The following ZNF45 variants were observed in gnomAD, a reference collection of about 807,000 sequenced individuals.
ZNF45 encodes the protein zinc finger protein 45, also known as BRC1744.
Under a neutral mutation model 12.0 loss-of-function variants are expected in ZNF45, and 4 were observed. That is an observed-to-expected ratio of 0.33 (90% confidence interval 0.16 to 0.76). The LOEUF (loss-of-function observed/expected upper bound fraction) is 0.76, where lower values mean the gene tolerates loss of function less well. Ranked by LOEUF, ZNF45 falls within the 30% of genes least tolerant of loss-of-function variation. ZNF45 has a pLI of 0.60. For synonymous variants in ZNF45, 272 were observed against 279.6 expected (o/e 0.97, Z 0.27); for missense variants, 700 against 813.0 (o/e 0.86, Z 1.69).
intron 3 of ZNF45, among the ~76,000 whole-genome samples, chr19:43,928,200 AAG>A (rs1555749505): frequency 2.0e-5 from 3 of 151,654 alleles, no homozygotes; most frequent in African/African-American, 7.3e-5. Context: ...AAAAAAAAAA[AAG>A]ATGTCCTTTG....
chr19:43,927,606 T>C (rs1490878927), intron 3 of ZNF45, among the ~76,000 whole-genome samples: 2 of 151,942 alleles, frequency 1.3e-5, no homozygotes, highest in South Asian at 2.1e-4. Context: ...AATAAAGAGA[T>C]GAAAGGAGGG....
intron 4 of ZNF45, chr19:43,925,109 C>A (rs967206549): frequency 1.3e-5 from 2 of 152,164 alleles, no homozygotes; most frequent in Non-Finnish European, 2.9e-5. Context: ...GTAAGAAAAG[C>A]AAGTAACCTA....
chr19:43,931,070 T>C (rs1974104847), intron 3 of ZNF45, among the ~76,000 whole-genome samples: 1 of 152,136 alleles, frequency 6.6e-6, no homozygotes, highest in Admixed American at 6.5e-5. Context: ...ATTAAGGCAA[T>C]ATAGACTATA....
chr19:43,918,063 A>G (rs1465742819), intron 9 of ZNF45, among the ~76,000 whole-genome samples: 1 of 152,228 alleles, frequency 6.6e-6, no homozygotes, highest in East Asian at 1.9e-4. Context: ...TACTAAAATG[A>G]TAAGTAATAT....
At position 43,914,489 on chromosome 19, in the gene ZNF45, C is replaced by T. The variant is rs561410032; in HGVS notation, c.947G>A (p.Arg316His). 334 of 1,613,536 alleles carry T rather than the reference C, an allele frequency of 2.1e-4. 6 individuals carry two copies. In the South Asian group the frequency reaches 2.1e-3, roughly 10 times the overall value. The change falls in exon 10 of 10, where the codon CGT (arginine) becomes CAT (histidine). Residue 316 changes from arginine (R) to histidine (H), a missense_variant. Coordinates refer to ENST00000269973, the MANE Select transcript of ZNF45 (RefSeq NM_003425.4). ...TCGCTCATGAGCCTGCAGTCGTGAACGCCAACTGAAGCTCTTCCCACACTC... is the reference window on the plus strand; with the variant it reads ...TCGCTCATGAGCCTGCAGTCGTGAATGCCAACTGAAGCTCTTCCCACACTC... ...CEECGKSFSW[R>H]SRLQAHERIH...
In ZNF45 at chr19:43,914,514, C is replaced by A; in HGVS notation, c.922G>T (p.Glu308Ter). ...HTGKKPYKCE[E>*]CGKSFSWRSR... ...CGCCAACTGAAGCTCTTCCCACACT[C>A]TTCACACTTATATGGTTTCTTTCCA... is the stretch of plus-strand genomic sequence containing the variant. Residue 308 changes from glutamate to a stop codon, truncating the protein, a stop_gained, in exon 10 of 10, where the codon GAG becomes TAG. Transcript: ENST00000269973. LOFTEE classifies it low-confidence loss of function (END_TRUNC). The A allele has an allele frequency of 9.3e-6, 15 of 1,613,224 alleles. No individual in the cohort carries two copies. The highest frequency in any genetic ancestry group is 1.3e-5 in the Non-Finnish European group (15 of 1,179,314).
chr19:43,914,041 G>GC lies in ZNF45; in HGVS notation c.1394dup (p.His466ProfsTer23). On this transcript the variant is annotated frameshift_variant, in exon 10 of 10. Coordinates refer to ENST00000269973, the MANE Select transcript of ZNF45 (RefSeq NM_003425.4). LOFTEE classifies it low-confidence loss of function (END_TRUNC). The stretch of plus-strand genomic sequence containing the variant: ...ATTTGTAGGGTTTCTCTCCAGTGTG[G>GC]CCTCTTTGATGGGCCAGAAGATTTG... 6.2e-7 allele frequency: 1 copy of GC among 1,614,012 alleles called. No individual in the cohort carries two copies.
In ZNF45 at chr19:43,913,973, T is replaced by C; in HGVS notation, c.1463A>G (p.Asn488Ser). The C allele has an allele frequency of 6.2e-7, 1 of 1,610,806 alleles. No homozygotes were observed. The change falls in exon 10 of 10, where the codon AAT becomes AGT. Residue 488 changes from asparagine to serine, a missense_variant. Coordinates refer to ENST00000269973, the MANE Select transcript of ZNF45 (RefSeq NM_003425.4). Reference sequence around the variant, plus strand: ...TCCTGTGTGGATTCTACAGTGTACATTAAGATCTGAGCTCCGACTGAAGCC... The same window carrying C: ...TCCTGTGTGGATTCTACAGTGTACACTAAGATCTGAGCTCCGACTGAAGCC... ...GKGFSRSSDL[N>S]VHCRIHTGEK...
intron 9 of ZNF45, among the ~76,000 whole-genome samples, chr19:43,918,191 G>T (rs1350174443): frequency 6.6e-6 from 1 of 152,096 alleles, no homozygotes; most frequent in African/African-American, 2.4e-5. Flanking sequence ...AGTGTTTTTG[G>T]GGACCTGCCT....
At position 43,925,307 on chromosome 19, in the gene ZNF45, A is replaced by G. The variant is rs1255357839; in HGVS notation, c.-266+18T>C. The stretch of plus-strand genomic sequence containing the variant: ...GGTATTGTTTGTTATAGCAGCACAA[A>G]TGGACTAAGGCACTCACGGAGTCTG... On this transcript the variant is annotated intron_variant, in intron 4 of 9. Transcript: ENST00000269973. 1 of 152,198 alleles carries G rather than the reference A, an allele frequency of 6.6e-6. No homozygotes were observed. Among genetic ancestry groups the G allele is most frequent in the Non-Finnish European group, 1.5e-5 (1 of 68,036 alleles). 9.4% of individuals were successfully genotyped at this position (152,198 alleles called of 1,614,324 possible).
intron 6 of ZNF45, among the ~76,000 whole-genome samples, chr19:43,923,563 T>C (rs2147019667): frequency 6.6e-6 from 1 of 152,192 alleles, no homozygotes; most frequent in East Asian, 1.9e-4. Context: ...TTGGAAGGTA[T>C]CTGCTGTGGA....
At position 43,913,469 on chromosome 19, in the gene ZNF45, A is replaced by G. The variant is rs1249306669; in HGVS notation, c.1967T>C (p.Ile656Thr). The change falls in exon 10 of 10, where the codon ATC becomes ACC. Residue 656 changes from isoleucine to threonine, a missense_variant. Coordinates refer to ENST00000269973, the MANE Select transcript of ZNF45 (RefSeq NM_003425.4). ...ATCAGCATGGACTCGCTGATGAATG[A>G]TAAGACTTGAGCTCCAACTGAAGCC... The part of the protein sequence containing the change: ...GKGFSWSSSL[I>T]IHQRVHADDE... The G allele has an allele frequency of 6.2e-7, 1 of 1,611,322 alleles. No homozygotes were observed. The highest frequency in any genetic ancestry group is 8.5e-7 in the Non-Finnish European group (1 of 1,178,478).
At chr19:43,931,059 T>C (rs1046192125) in intron 3 of ZNF45, among the ~76,000 whole-genome samples, 6 of 152,134 alleles carry the variant, frequency 3.9e-5, no homozygotes, top group African/African-American at 1.4e-4. Context: ...TAGACCTTTT[T>C]ATTAAGGCAA....
chr19:43,927,247 C>T (rs187538712), intron 3 of ZNF45, among the ~76,000 whole-genome samples: 32 of 152,292 alleles, frequency 2.1e-4, no homozygotes, highest in African/African-American at 7.7e-4. Context: ...TTACACTTGT[C>T]TAATGTGGAG....
intron 3 of ZNF45, chr19:43,926,136 A>G (rs1973656959): frequency 6.6e-6 from 1 of 152,270 alleles, no homozygotes; most frequent in Admixed American, 6.5e-5. Context: ...TCCTGTACAA[A>G]GTAATTGCCC....
chr19:43,924,915 T>C (rs1973547110), intron 4 of ZNF45, among the ~76,000 whole-genome samples: 1 of 152,168 alleles, frequency 6.6e-6, no homozygotes, highest in Non-Finnish European at 1.5e-5. Flanking sequence ...AAGTTACACA[T>C]AAACCCATGC....
rs61731635 is a variant in ZNF45, at chr19:43,914,623, C to T, written c.813G>A (p.Thr271=). The stretch of plus-strand genomic sequence containing the variant: ...CCTCACATTTATAGGGTTTCTCTCC[C>T]GTATGAACTATCAGAGGAGCTTGAC... ...SHCQAPLIVH[T]GEKPYKCEEC... The change falls in exon 10 of 10, where the codon ACG becomes ACA. Residue 271 remains threonine (T), a synonymous_variant. Coordinates refer to ENST00000269973, the MANE Select transcript of ZNF45 (RefSeq NM_003425.4). 0.029 allele frequency: 46,700 copies of T among 1,613,628 alleles called. 828 individuals are homozygous for T. The highest frequency in any genetic ancestry group is 0.034 in the Non-Finnish European group (39,865 of 1,179,838).
intron 4 of ZNF45, among the ~76,000 whole-genome samples, chr19:43,924,924 G>A (rs1973548181): frequency 6.6e-6 from 1 of 152,190 alleles, no homozygotes; most frequent in South Asian, 2.1e-4. Context: ...ATAAACCCAT[G>A]CAGATGCTTT....
In ZNF45 at chr19:43,913,259, A is replaced by G; in HGVS notation, c.*128T>C. On this transcript the variant is annotated 3_prime_UTR_variant, in exon 10 of 10. Coordinates refer to ENST00000269973, the MANE Select transcript of ZNF45 (RefSeq NM_003425.4). ...CAGTCCATATGTCTCCACTCTTGTG[A>G]GGCTTCTCTGCTGTGTGGTCTCCCA... The G allele has an allele frequency of 9.3e-7, 1 of 1,080,002 alleles. No individual in the cohort carries two copies. The highest frequency in any genetic ancestry group is 1.3e-6 in the Non-Finnish European group (1 of 762,880). The allele number at this position is 1,080,002 out of a possible 1,614,324, so 66.9% of individuals were successfully genotyped here. A position where few individuals can be genotyped will look rare whatever the true frequency, so the allele number is the denominator to read the frequency against.
Sources: gnomAD v4.1 joint callset for allele counts (sites outside exome capture counted in the v4.1 genomes callset) on GRCh38, gnomAD v4.1.1 for gene constraint, MANE v1.5 for transcripts, NCBI Gene and HGNC (gene_info 2026-07-23, HGNC 2026-07-21) for gene names.